RDH8: variants seen among roughly 807,000 people sequenced by gnomAD.
RDH8 encodes the protein photoreceptor outer segment all-trans retinol dehydrogenase.
Under a neutral mutation model 22.3 loss-of-function variants are expected in RDH8, and 14 were observed. The observed-to-expected ratio is 0.63, with a 90% CI of 0.42 to 0.98. RDH8 has a LOEUF of 0.98. Ranked by LOEUF, RDH8 falls within the 50% of genes least tolerant of loss-of-function variation. The probability of loss-of-function intolerance (pLI) is 0.00; values close to 1 mark genes in which losing one functional copy is unlikely to be tolerated. For missense variants in RDH8, 389 were observed against 409.8 expected, an observed-to-expected ratio of 0.95 and a Z score of 0.44; for synonymous variants, 175 against 171.7, an observed-to-expected ratio of 1.02 and a Z score of -0.15.
intron 1 of RDH8, among the ~76,000 whole-genome samples, chr19:10,016,580 C>T (rs536192375): frequency 6.6e-6 from 1 of 152,238 alleles, no homozygotes; most frequent in South Asian, 2.1e-4. Flanking sequence ...CCCACCACAG[C>T]CTCCCAAGTA....
At position 10,021,645 on chromosome 19, in the gene RDH8, G is replaced by T. The variant is rs1315972397; in HGVS notation, c.832G>T (p.Val278Leu). ...KTVDSSGSLYVRTTHRLLFRC... is the reference protein window; with the variant it reads ...KTVDSSGSLYLRTTHRLLFRC... ...CGTGGATTCCTCTGGCAGCCTGTAT[G>T]TGCGAACGACCCACCGCCTCCTCTT... The change falls in exon 6 of 6, where the codon GTG (valine) becomes TTG (leucine). Residue 278 changes from valine to leucine, a missense_variant. Coordinates refer to ENST00000591589, the MANE Select transcript of RDH8 (RefSeq NM_015725.4). The T allele has an allele frequency of 6.2e-7, 1 of 1,613,642 alleles. No individual in the cohort carries two copies. Among genetic ancestry groups the T allele is most frequent in the Non-Finnish European group, 8.5e-7 (1 of 1,179,684 alleles).
intron 1 of RDH8, among the ~76,000 whole-genome samples, chr19:10,014,121 C>T (rs191320395): frequency 8.3e-4 from 127 of 152,320 alleles, no homozygotes; most frequent in African/African-American, 2.9e-3. Context: ...GTTCTAAGAA[C>T]TTGCCCTTCT....
chr19:10,016,240 G>A lies in RDH8; in HGVS notation c.104-817G>A, dbSNP rs374206567. On this transcript the variant is annotated intron_variant, in intron 1 of 5. Transcript: ENST00000591589. ...CGGCTCACTGCAAGCTCCGCCTCCC[G>A]GGTTCACGCCATTCTCCTGCCTCAG... Among the ~76,000 whole-genome samples the A allele has an allele frequency of 4.8e-4, 73 of 150,530 alleles. No homozygotes were observed. In the East Asian group the frequency reaches 7.5e-3, roughly 15 times the overall value.
At chr19:10,016,823 T>TTGCCAGG in intron 1 of RDH8, among the ~76,000 whole-genome samples, 1 of 152,116 alleles carries the variant, frequency 6.6e-6, no homozygotes. Context: ...GGGCATAGTG[T>TTGCCAGG]ATAGTAGATG....
At position 10,021,080 on chromosome 19, in the gene RDH8, C is replaced by T. The variant is rs117289720; in HGVS notation, c.537-175C>T. On this transcript the variant is annotated intron_variant, in intron 4 of 5. Coordinates refer to ENST00000591589, the MANE Select transcript of RDH8 (RefSeq NM_015725.4). The stretch of plus-strand genomic sequence containing the variant: ...GTCCCAGCTACTCAGGAGGCTGAGG[C>T]GGAGGATTGTTTGAACCCAGGAGTT... 68,231 of 656,582 alleles carry T rather than the reference C, an allele frequency of 0.1. 3,977 individuals are homozygous for T. Among genetic ancestry groups the T allele is most frequent in the Middle Eastern group, 0.16 (387 of 2,480 alleles). 40.7% of individuals were successfully genotyped at this position (656,582 alleles called of 1,614,324 possible). A position where few individuals can be genotyped will look rare whatever the true frequency, so the allele number is the denominator to read the frequency against.
At position 10,016,990 on chromosome 19, in the gene RDH8, C is replaced by T. The variant is rs1393039828; in HGVS notation, c.104-67C>T. 14 of 1,402,942 alleles carry T rather than the reference C, an allele frequency of 1.0e-5. No homozygotes were observed. In the East Asian group the frequency reaches 3.2e-4, roughly 32 times the overall value. The allele number at this position is 1,402,942 out of a possible 1,614,324, so 86.9% of individuals were successfully genotyped here. The stretch of plus-strand genomic sequence containing the variant: ...GTGACTTGTAACGCAAGATCACAGA[C>T]ACGTGGCGCCCACACCAAGGGGAAA... On this transcript the variant is annotated intron_variant, in intron 1 of 5. Transcript: ENST00000591589.
intron 3 of RDH8, among the ~76,000 whole-genome samples, chr19:10,019,993 T>C (rs2087645578): frequency 1.3e-5 from 2 of 151,714 alleles, no homozygotes; most frequent in African/African-American, 4.8e-5. Context: ...ATACAAAAAT[T>C]AGCTGGGTGT....
intron 2 of RDH8, among the ~76,000 whole-genome samples, chr19:10,018,399 C>T (rs183102661): frequency 1.3e-5 from 2 of 152,248 alleles, no homozygotes; most frequent in Admixed American, 6.5e-5. Context: ...TTGGGGAAGA[C>T]AGCATGATAC....
intron 1 of RDH8, among the ~76,000 whole-genome samples, chr19:10,016,529 C>T (rs1234280617): frequency 2.0e-5 from 3 of 151,978 alleles, no homozygotes; most frequent in African/African-American, 7.2e-5. Context: ...GGCTCCATCT[C>T]GGCTCACTGC....
In RDH8 at chr19:10,021,879, C is replaced by A; in HGVS notation, c.*130C>A. 1.0e-6 allele frequency: 1 copy of A among 974,312 alleles called. No individual in the cohort carries two copies. 60.4% of individuals were successfully genotyped at this position (974,312 alleles called of 1,614,324 possible). A position where few individuals can be genotyped will look rare whatever the true frequency, so the allele number is the denominator to read the frequency against. On this transcript the variant is annotated 3_prime_UTR_variant, in exon 6 of 6. Transcript: ENST00000591589. The stretch of plus-strand genomic sequence containing the variant: ...CCCCCTCCCCTCCTCTGTGCCTAGA[C>A]ATGGCTAGAATCCCAGAAGGGCCTT...
In RDH8 at chr19:10,021,304, C is replaced by A; in HGVS notation, c.586C>A (p.Leu196Ile). The change falls in exon 5 of 6, where the codon CTT becomes ATT. Residue 196 changes from leucine (L) to isoleucine (I), a missense_variant. Transcript: ENST00000591589. ...GPVVTEFEGKLLAQVSMAEFP... is the reference protein window; with the variant it reads ...GPVVTEFEGKILAQVSMAEFP... Reference sequence around the variant, plus strand: ...CGTGGTCACCGAGTTTGAGGGGAAGCTTCTGGCGCAGGTTTCTATGGCTGA... The same window carrying A: ...CGTGGTCACCGAGTTTGAGGGGAAGATTCTGGCGCAGGTTTCTATGGCTGA... The A allele has an allele frequency of 6.2e-7, 1 of 1,614,122 alleles. No homozygotes were observed. Among genetic ancestry groups the A allele is most frequent in the East Asian group, 2.2e-5 (1 of 44,888 alleles).
intron 2 of RDH8, among the ~76,000 whole-genome samples, chr19:10,018,242 C>A (rs2087634488): frequency 6.6e-6 from 1 of 152,096 alleles, no homozygotes; most frequent in African/African-American, 2.4e-5. Flanking sequence ...CCATGCCCAG[C>A]TCAAAAATCA....
chr19:10,020,675 C>G (rs371193895), intron 3 of RDH8, 34 bp from the exon 4 acceptor site: 1 of 1,474,954 alleles, frequency 6.8e-7, no homozygotes, highest in East Asian at 2.3e-5. Context: ...CCTCCCAGAC[C>G]CTCAAAGAGC....
intron 1 of RDH8, among the ~76,000 whole-genome samples, chr19:10,015,459 T>C (rs2087604962): frequency 6.6e-6 from 1 of 151,552 alleles, no homozygotes; most frequent in Non-Finnish European, 1.5e-5. Context: ...TCTCAATAAA[T>C]AAATAAATAA....
intron 1 of RDH8, among the ~76,000 whole-genome samples, chr19:10,015,222 T>G (rs1339705737): frequency 6.6e-6 from 1 of 152,006 alleles, no homozygotes; most frequent in Non-Finnish European, 1.5e-5. Flanking sequence ...GAGGCCTAGG[T>G]GGACAGATCA....
Position 10,021,821 on chromosome 19 carries a change from G to A in RDH8, c.*72G>A. ...TCATTCCACATCTAATTCAAAGGAT[G>A]AACAGACTCTTCATTTATTCATTCT... On this transcript the variant is annotated 3_prime_UTR_variant, in exon 6 of 6. Transcript: ENST00000591589. The A allele has an allele frequency of 7.0e-7, 1 of 1,438,102 alleles. No individual in the cohort carries two copies. The highest frequency in any genetic ancestry group is 9.6e-7 in the Non-Finnish European group (1 of 1,044,420). The allele number at this position is 1,438,102 out of a possible 1,614,324, so 89.1% of individuals were successfully genotyped here. A position where few individuals can be genotyped will look rare whatever the true frequency, so the allele number is the denominator to read the frequency against.
At chr19:10,014,640 G>C (rs1038010898) in intron 1 of RDH8, among the ~76,000 whole-genome samples, 1 of 152,130 alleles carries the variant, frequency 6.6e-6, no homozygotes, top group African/African-American at 2.4e-5. Flanking sequence ...CCACGTTCAA[G>C]TGATTTTCAT....
At position 10,018,880 on chromosome 19, in the gene RDH8, G is replaced by A. The variant is rs769841419; in HGVS notation, c.412G>A (p.Val138Met). Residue 138 changes from valine to methionine, a missense_variant, in exon 3 of 6, where the codon GTG becomes ATG. Val to Met is a conservative substitution (Grantham distance 21). Transcript: ENST00000591589. ...GAAGAGGAGGCGGCAGGGCCACATC[G>A]TGGTGATCAGCAGTGTCATGGGCCT... ...GMKRRRQGHIVVISSVMGLQG... is the reference protein window; with the variant it reads ...GMKRRRQGHIMVISSVMGLQG... 1.4e-5 allele frequency: 23 copies of A among 1,612,874 alleles called. No individual in the cohort carries two copies. The highest frequency in any genetic ancestry group is 2.2e-5 in the East Asian group (1 of 44,864).
chr19:10,013,571 T>C lies in RDH8; in HGVS notation c.74T>C (p.Leu25Pro). 2 of 1,613,974 alleles carry C rather than the reference T, an allele frequency of 1.2e-6. No homozygotes were observed. Among genetic ancestry groups the C allele is most frequent in the Non-Finnish European group, 1.7e-6 (2 of 1,179,984 alleles). Reference sequence around the variant, plus strand: ...ATTGGTCTGGAACTTGCAGTGCAACTGGCCCATGACCCCAAGAAGCGCTAC... The same window carrying C: ...ATTGGTCTGGAACTTGCAGTGCAACCGGCCCATGACCCCAAGAAGCGCTAC... Reference protein sequence around the residue: ...SGIGLELAVQLAHDPKKRYQV... With the variant: ...SGIGLELAVQPAHDPKKRYQV... Residue 25 changes from leucine to proline, a missense_variant, in exon 1 of 6, where the codon CTG becomes CCG. By Grantham distance (98) the Leu-to-Pro change is moderately conservative. Transcript: ENST00000591589.
Sources: gnomAD v4.1 joint callset for allele counts (sites outside exome capture counted in the v4.1 genomes callset) on GRCh38, gnomAD v4.1.1 for gene constraint, MANE v1.5 for transcripts, NCBI Gene and HGNC (gene_info 2026-07-23, HGNC 2026-07-21) for gene names.